SEL1L2: variants seen among roughly 807,000 people sequenced by gnomAD.
SEL1L2 encodes the protein protein sel-1 homolog 2.
Under a neutral mutation model 98.8 loss-of-function variants are expected in SEL1L2, and 89 were observed. The observed-to-expected ratio is 0.90, with a 90% CI of 0.76 to 1.07. The LOEUF (loss-of-function observed/expected upper bound fraction) is 1.07. SEL1L2 is among the 50% of genes least tolerant of loss of function. The pLI, the probability that SEL1L2 is intolerant of heterozygous loss-of-function variation, is 0.00. For missense variants in SEL1L2, 788 were observed against 812.0 expected, an observed-to-expected ratio of 0.97 and a Z score of 0.36; for synonymous variants, 262 against 278.5, an observed-to-expected ratio of 0.94 and a Z score of 0.59.
Position 13,890,824 on chromosome 20 carries a change from TA to T in SEL1L2, c.550-2313del, listed in dbSNP as rs139456204. 8.0e-4 allele frequency among the ~76,000 whole-genome samples: 121 copies of T among 152,156 alleles called. 1 individual carries two copies. Among genetic ancestry groups the T allele is most frequent in the Admixed American group, 2.2e-3 (33 of 15,288 alleles). The stretch of plus-strand genomic sequence containing the variant: ...GAGAATATCAACAAAGAGAAACTAT[TA>T]AAAAAACAGAAATTCTGAAGCTGAA... On this transcript the variant is annotated intron_variant, in intron 5 of 19. Coordinates refer to ENST00000284951, the MANE Select transcript of SEL1L2 (RefSeq NM_025229.2).
rs2050148739 is a variant in SEL1L2, at chr20:13,949,208, TA to T, written c.114+6867del. Among the ~76,000 whole-genome samples the T allele has an allele frequency of 2.0e-5, 3 of 152,110 alleles. No homozygotes were observed. In the South Asian group the frequency reaches 6.2e-4, roughly 31 times the overall value. On this transcript the variant is annotated intron_variant, in intron 2 of 19. Coordinates refer to ENST00000284951, the MANE Select transcript of SEL1L2 (RefSeq NM_025229.2). ...CAACTCACCAAATAATAAACTCAAT[TA>T]AAAAATGAGCAAATGAATTGAATAG...
At chr20:13,938,083 CTT>C (rs780844505) in intron 2 of SEL1L2, among the ~76,000 whole-genome samples, 9 of 137,186 alleles carry the variant, frequency 6.6e-5, no homozygotes, top group Admixed American at 7.5e-5. Context: ...TTTTTCTTTT[CTT>C]TTTTTTTTTT....
chr20:13,850,086 A>C, intron 19 of SEL1L2, 105 bp downstream of exon 19: 1 of 1,339,964 alleles, frequency 7.5e-7, no homozygotes, highest in Admixed American at 2.1e-5. Context: ...TTCTCAAAGG[A>C]AAGCCAGTCC....
chr20:13,863,938 C>T (rs1162456550), intron 17 of SEL1L2, among the ~76,000 whole-genome samples: 1 of 150,430 alleles, frequency 6.6e-6, no homozygotes, highest in Non-Finnish European at 1.5e-5. Context: ...CCACTGCACC[C>T]CAGCCTGGAG....
At chr20:13,937,781 G>C (rs2049528146) in intron 2 of SEL1L2, among the ~76,000 whole-genome samples, 1 of 152,160 alleles carries the variant, frequency 6.6e-6, no homozygotes, top group Non-Finnish European at 1.5e-5. Flanking sequence ...CTTGAATCAA[G>C]GGAAGTTTAA....
intron 5 of SEL1L2, among the ~76,000 whole-genome samples, chr20:13,900,404 C>G (rs973397315): frequency 6.6e-6 from 1 of 152,048 alleles, no homozygotes; most frequent in Non-Finnish European, 1.5e-5. Context: ...CTCAGGGGCC[C>G]TGGGTTTTCT....
chr20:13,923,698 G>GGGCC (rs2048759057), intron 3 of SEL1L2, among the ~76,000 whole-genome samples: 2 of 152,140 alleles, frequency 1.3e-5, no homozygotes, highest in African/African-American at 4.8e-5. Context: ...AGTTTGCAGT[G>GGGCC]GGCCGAGATT....
intron 2 of SEL1L2, among the ~76,000 whole-genome samples, chr20:13,951,190 T>C (rs1026336117): frequency 1.5e-5 from 2 of 134,544 alleles, no homozygotes; most frequent in African/African-American, 5.7e-5. Context: ...GGCAGGAGAA[T>C]GGCGTGAATC....
intron 2 of SEL1L2, among the ~76,000 whole-genome samples, chr20:13,934,206 G>C (rs1377534223): frequency 6.8e-6 from 1 of 147,252 alleles, no homozygotes; most frequent in East Asian, 2.0e-4. Flanking sequence ...ACTTATAAGT[G>C]AGAACATCCA....
intron 1 of SEL1L2, among the ~76,000 whole-genome samples, chr20:13,988,962 G>T (rs560921038): frequency 1.3e-5 from 2 of 152,132 alleles, no homozygotes; most frequent in African/African-American, 2.4e-5. Flanking sequence ...GCAGTGAGCC[G>T]AGATCACGTC....
At chr20:13,862,534 C>T (rs1990301772) in intron 17 of SEL1L2, among the ~76,000 whole-genome samples, 1 of 152,200 alleles carries the variant, frequency 6.6e-6, no homozygotes, top group African/African-American at 2.4e-5. Context: ...TAGTGCATAA[C>T]ATCCTTTGGA....
chr20:13,961,660 C>T (rs993169873), intron 1 of SEL1L2, among the ~76,000 whole-genome samples: 3 of 152,178 alleles, frequency 2.0e-5, no homozygotes, highest in Non-Finnish European at 1.5e-5. Context: ...TACTCAGTCA[C>T]AAACATGGGC....
intron 12 of SEL1L2, among the ~76,000 whole-genome samples, chr20:13,872,912 C>T (rs2046268576): frequency 1.3e-5 from 2 of 152,080 alleles, no homozygotes; most frequent in South Asian, 4.1e-4. Context: ...GCAGCAGCAG[C>T]TCTCAGTTCC....
At chr20:13,850,800 C>T (rs955895369) in intron 18 of SEL1L2, among the ~76,000 whole-genome samples, 8 of 152,134 alleles carry the variant, frequency 5.3e-5, no homozygotes, top group Non-Finnish European at 8.8e-5. Flanking sequence ...CTACAGAAAC[C>T]GTGAGATAAT....
chr20:13,962,610 G>A (rs1340349852), intron 1 of SEL1L2, among the ~76,000 whole-genome samples: 1 of 152,288 alleles, frequency 6.6e-6, no homozygotes, highest in South Asian at 2.1e-4. Flanking sequence ...TAAGTTTTGG[G>A]TTGTTAATGC....
chr20:13,881,685 T>G (rs2046708746), intron 10 of SEL1L2, among the ~76,000 whole-genome samples: 1 of 152,178 alleles, frequency 6.6e-6, no homozygotes. Context: ...TGAGAGAGAT[T>G]AGTTCAACCA....
chr20:13,870,039 A>C, intron 13 of SEL1L2, 102 bp downstream of exon 13: 1 of 827,692 alleles, frequency 1.2e-6, no homozygotes, highest in East Asian at 2.6e-5. Flanking sequence ...ACAGTTTGGC[A>C]AACCAGATAA....
intron 17 of SEL1L2, among the ~76,000 whole-genome samples, chr20:13,861,959 G>A (rs375259250): frequency 3.9e-5 from 6 of 152,246 alleles, no homozygotes; most frequent in African/African-American, 1.4e-4. Context: ...CACCCCAGAA[G>A]TTATCTACCT....
At chr20:13,877,717 A>G in intron 10 of SEL1L2, 129 bp from the exon 11 acceptor site, 1 of 685,730 alleles carries the variant, frequency 1.5e-6, no homozygotes, top group Admixed American at 2.6e-5. Context: ...CTTAAAAAAA[A>G]TCTGTGAAAT....
Sources: gnomAD v4.1 joint callset for allele counts (sites outside exome capture counted in the v4.1 genomes callset) on GRCh38, gnomAD v4.1.1 for gene constraint, MANE v1.5 for transcripts, NCBI Gene and HGNC (gene_info 2026-07-23, HGNC 2026-07-21) for gene names.